The following MRPL1 variants were observed in gnomAD, a reference collection of about 807,000 sequenced individuals.
The protein encoded by MRPL1 is mitochondrial ribosomal protein L1, also known as large ribosomal subunit protein uL1m.
In MRPL1, 28 loss-of-function variants were observed where a neutral mutation model predicts 38.0. The ratio of observed to expected loss-of-function variants is 0.74; its 90% confidence interval spans 0.55 to 1.01. MRPL1 has a LOEUF of 1.01. Ranked by LOEUF, MRPL1 falls within the 50% of genes least tolerant of loss-of-function variation. The pLI is 0.00. For missense variants in MRPL1, 358 were observed against 389.8 expected, an observed-to-expected ratio of 0.92 and a Z score of 0.69; for synonymous variants, 123 against 126.7, an observed-to-expected ratio of 0.97 and a Z score of 0.20.
chr4:77,878,736 G>T (rs550051919), intron 2 of MRPL1, among the ~76,000 whole-genome samples: 39 of 152,140 alleles, frequency 2.6e-4, no homozygotes, highest in Admixed American at 5.2e-4. Context: ...AAAATGAGCT[G>T]GTCATGGTGG....
In MRPL1 at chr4:77,862,890, G is replaced by GAAC; in HGVS notation, c.31+11_31+12insAAC. On this transcript the variant is annotated intron_variant, in intron 1 of 8. Transcript: ENST00000315567. ...GGTGCATGGGTAGAGGTAAGGCGAG[G>GAAC]GGTTGTCTTGCAGGGGAAATGGCTC... is the stretch of plus-strand genomic sequence containing the variant. 2 of 1,614,132 alleles carry GAAC rather than the reference G, an allele frequency of 1.2e-6. No individual in the cohort carries two copies. Among genetic ancestry groups the GAAC allele is most frequent in the Non-Finnish European group, 1.7e-6 (2 of 1,179,994 alleles).
chr4:77,865,778 G>A (rs955245055), intron 1 of MRPL1, among the ~76,000 whole-genome samples: 1 of 152,082 alleles, frequency 6.6e-6, no homozygotes, highest in East Asian at 1.9e-4. Flanking sequence ...CAGCTACCTT[G>A]TTCCCACCTG....
intron 7 of MRPL1, among the ~76,000 whole-genome samples, chr4:77,911,466 G>T (rs1357051685): frequency 6.6e-6 from 1 of 152,010 alleles, no homozygotes; most frequent in East Asian, 1.9e-4. Flanking sequence ...TGTGTTTAAA[G>T]AGTTTTTTTT....
intron 7 of MRPL1, among the ~76,000 whole-genome samples, chr4:77,931,923 G>C (rs527523646): frequency 1.6e-4 from 24 of 152,096 alleles, no homozygotes; most frequent in South Asian, 6.4e-4. Flanking sequence ...ACGCAGCGCT[G>C]TGAGGAGATG....
At chr4:77,938,442 C>T (rs77717619) in intron 7 of MRPL1, among the ~76,000 whole-genome samples, 1,764 of 152,294 alleles carry the variant, frequency 0.012, 35 homozygotes, top group African/African-American at 0.041. Context: ...AACCTAGTTT[C>T]AGATCACTCC....
chr4:77,891,698 A>G (rs1017358498), intron 5 of MRPL1, among the ~76,000 whole-genome samples: 14 of 152,246 alleles, frequency 9.2e-5, no homozygotes, highest in African/African-American at 3.4e-4. Context: ...GTTAAGCAAG[A>G]AGTTACCTCT....
chr4:77,862,837 G>C lies in MRPL1; in HGVS notation c.-12G>C. ...AGGAACAATTTCGTGAACGCAATCC[G>C]GAGTGCCCAACATGGCGGCGGCCGT... On this transcript the variant is annotated 5_prime_UTR_variant, in exon 1 of 9. Transcript: ENST00000315567. 1 of 1,614,022 alleles carries C rather than the reference G, an allele frequency of 6.2e-7. No individual in the cohort carries two copies. Among genetic ancestry groups the C allele is most frequent in the Non-Finnish European group, 8.5e-7 (1 of 1,179,968 alleles).
intron 5 of MRPL1, among the ~76,000 whole-genome samples, chr4:77,892,181 G>T (rs970144964): frequency 6.6e-6 from 1 of 151,546 alleles, no homozygotes; most frequent in Non-Finnish European, 1.5e-5. Flanking sequence ...GCCCAGTGGG[G>T]AGTGCAATGG....
chr4:77,863,427 T>C (rs980482998), intron 1 of MRPL1, among the ~76,000 whole-genome samples: 11 of 151,934 alleles, frequency 7.2e-5, no homozygotes, highest in Non-Finnish European at 1.6e-4. Context: ...ATTTCAACTT[T>C]TTGTCTACGA....
intron 7 of MRPL1, among the ~76,000 whole-genome samples, chr4:77,919,442 C>T (rs773293206): frequency 9.2e-5 from 14 of 152,026 alleles, no homozygotes; most frequent in Middle Eastern, 3.4e-3. Context: ...TATATAATAC[C>T]TTTCTGTTTG....
chr4:77,933,159 T>A (rs188287746), intron 7 of MRPL1, among the ~76,000 whole-genome samples: 82 of 152,278 alleles, frequency 5.4e-4, no homozygotes, highest in Middle Eastern at 3.4e-3. Flanking sequence ...TTGCTCAGGC[T>A]GGCCTCGAAC....
chr4:77,897,078 T>C (rs370149159), intron 6 of MRPL1, among the ~76,000 whole-genome samples: 7,724 of 152,154 alleles, frequency 0.051, 237 homozygotes, highest in African/African-American at 0.086. Context: ...ATATCTTTTT[T>C]TTTTATGAGT....
chr4:77,902,752 C>A (rs1396334429), intron 6 of MRPL1, among the ~76,000 whole-genome samples: 4 of 151,372 alleles, frequency 2.6e-5, no homozygotes, highest in Non-Finnish European at 2.9e-5. Context: ...ATAAATGTGA[C>A]AATTTACATA....
At chr4:77,902,765 A>G (rs1736065339) in intron 6 of MRPL1, among the ~76,000 whole-genome samples, 1 of 152,232 alleles carries the variant, frequency 6.6e-6, no homozygotes. Context: ...TTTACATAAA[A>G]TGACACATTC....
Position 77,883,402 on chromosome 4 carries a change from G to T in MRPL1, c.304G>T (p.Ala102Ser). 1 of 1,613,920 alleles carries T rather than the reference G, an allele frequency of 6.2e-7. No homozygotes were observed. Among genetic ancestry groups the T allele is most frequent in the Non-Finnish European group, 8.5e-7 (1 of 1,179,912 alleles). Residue 102 changes from alanine to serine, a missense_variant, in exon 3 of 9, where the codon GCT (alanine) becomes TCT (serine). By Grantham distance (99) the Ala-to-Ser change is moderately conservative. Transcript: ENST00000315567. ...GAGACAGATATATGAGGTGGAGAAAGCTGTTCACTTACTTAAGAAATTTCA... is the reference window on the plus strand; with the variant it reads ...GAGACAGATATATGAGGTGGAGAAATCTGTTCACTTACTTAAGAAATTTCA... ...YPRQIYEVEK[A>S]VHLLKKFQIL... is the part of the protein sequence containing the mutation.
chr4:77,896,397 C>A (rs1390706963), intron 6 of MRPL1, among the ~76,000 whole-genome samples: 1 of 152,094 alleles, frequency 6.6e-6, no homozygotes, highest in Non-Finnish European at 1.5e-5. Flanking sequence ...AGAGATGGAC[C>A]TTTTCCCTTC....
rs967568005 is a variant in MRPL1, at chr4:77,897,273, C to T, written c.670+3023C>T. Among the ~76,000 whole-genome samples the T allele has an allele frequency of 3.3e-5, 5 of 151,984 alleles. No individual in the cohort carries two copies. In the East Asian group the frequency reaches 9.7e-4, roughly 29 times the overall value. ...AGACACATGTTGGCCAGGCTGGTCTCGAACTTCTGACCTCAGGTAATCTGC... is the reference window on the plus strand; with the variant it reads ...AGACACATGTTGGCCAGGCTGGTCTTGAACTTCTGACCTCAGGTAATCTGC... On this transcript the variant is annotated intron_variant, in intron 6 of 8. Transcript: ENST00000315567.
chr4:77,912,340 A>C (rs1736308500), intron 7 of MRPL1, among the ~76,000 whole-genome samples: 1 of 152,202 alleles, frequency 6.6e-6, no homozygotes, highest in South Asian at 2.1e-4. Context: ...TCTAGCTACT[A>C]GAACAACGAA....
At chr4:77,889,236 G>A (rs887495522) in intron 5 of MRPL1, among the ~76,000 whole-genome samples, 1 of 152,144 alleles carries the variant, frequency 6.6e-6, no homozygotes, top group Non-Finnish European at 1.5e-5. Context: ...TGGAAGTAAA[G>A]CACTCCTCAG....
Sources: gnomAD v4.1 joint callset for allele counts (sites outside exome capture counted in the v4.1 genomes callset) on GRCh38, gnomAD v4.1.1 for gene constraint, MANE v1.5 for transcripts, NCBI Gene and HGNC (gene_info 2026-07-23, HGNC 2026-07-21) for gene names.